Variants in SEMA3C observed in about 807,000 individuals in gnomAD.
The protein encoded by SEMA3C is semaphorin 3C.
SEMA3C carries 47 observed loss-of-function variants against 89.4 expected under a neutral mutation model. The ratio of observed to expected loss-of-function variants is 0.53; its 90% CI spans 0.42 to 0.67. The LOEUF is 0.67. Ranked by LOEUF, SEMA3C falls within the 30% of genes least tolerant of loss-of-function variation. SEMA3C has a pLI of 0.00. For missense variants in SEMA3C, 839 were observed against 929.1 expected (o/e 0.90, Z 1.26); for synonymous variants, 310 against 320.2 (o/e 0.97, Z 0.34).
intron 7 of SEMA3C, 82 bp from the exon 8 acceptor site, chr7:80,804,330 C>G: frequency 1.1e-6 from 1 of 928,950 alleles, no homozygotes; most frequent in African/African-American, 1.7e-5. Flanking sequence ...CAGGCAGATG[C>G]CTTCCCCATC....
chr7:80,798,412 G>A (rs1421439781), intron 10 of SEMA3C, among the ~76,000 whole-genome samples, 176 bp from the exon 11 acceptor site: 1 of 152,046 alleles, frequency 6.6e-6, no homozygotes, highest in Admixed American at 6.5e-5. Flanking sequence ...GATACATAAA[G>A]CATTACAATA....
intron 12 of SEMA3C, among the ~76,000 whole-genome samples, chr7:80,778,289 A>C (rs1788598214): frequency 6.6e-6 from 1 of 152,212 alleles, no homozygotes; most frequent in Admixed American, 6.5e-5. Context: ...TTTTAATTTC[A>C]GATAAACTGA....
intron 2 of SEMA3C, among the ~76,000 whole-genome samples, chr7:80,850,757 T>C (rs1261409209): frequency 2.0e-5 from 3 of 152,162 alleles, no homozygotes; most frequent in Non-Finnish European, 4.4e-5. Flanking sequence ...CTATGCTCAT[T>C]TGTTGATAAT....
chr7:80,787,474 C>T (rs1301621897), intron 12 of SEMA3C, among the ~76,000 whole-genome samples: 1 of 151,020 alleles, frequency 6.6e-6, no homozygotes, highest in Non-Finnish European at 1.5e-5. Context: ...AGGAGGAAGC[C>T]AGCTAAGAGG....
chr7:80,917,036 A>G (rs1792294864), intron 1 of SEMA3C, among the ~76,000 whole-genome samples: 1 of 152,216 alleles, frequency 6.6e-6, no homozygotes, highest in Non-Finnish European at 1.5e-5. Flanking sequence ...AGAAACTTTC[A>G]TCTTCCAGCA....
intron 2 of SEMA3C, among the ~76,000 whole-genome samples, chr7:80,863,935 CAT>C (rs1294885009): frequency 1.6e-5 from 2 of 125,436 alleles, no homozygotes; most frequent in Admixed American, 7.7e-5. Context: ...ATATATATCA[CAT>C]ATATAATATG....
intron 11 of SEMA3C, among the ~76,000 whole-genome samples, chr7:80,796,118 A>G (rs1562878732): frequency 6.6e-6 from 1 of 152,186 alleles, no homozygotes; most frequent in Non-Finnish European, 1.5e-5. Flanking sequence ...CCCCATTTAT[A>G]TGCTGCTCAA....
chr7:80,775,260 A>C (rs150886773), intron 12 of SEMA3C, among the ~76,000 whole-genome samples: 14 of 152,256 alleles, frequency 9.2e-5, no homozygotes, highest in African/African-American at 3.1e-4. Flanking sequence ...AAGGAATGAG[A>C]ACCCGGTATG....
chr7:80,811,831 G>C (rs1004168865), intron 5 of SEMA3C, among the ~76,000 whole-genome samples: 2 of 152,100 alleles, frequency 1.3e-5, no homozygotes, highest in South Asian at 2.1e-4. Flanking sequence ...ATCTGACATG[G>C]CATGTTTTCA....
intron 2 of SEMA3C, among the ~76,000 whole-genome samples, chr7:80,867,174 T>C (rs761804701): frequency 2.6e-5 from 4 of 152,256 alleles, no homozygotes; most frequent in Non-Finnish European, 5.9e-5. Flanking sequence ...AAAAAGACTT[T>C]ATAATAATCA....
chr7:80,896,986 G>A (rs62460755), intron 2 of SEMA3C, among the ~76,000 whole-genome samples: 7 of 152,144 alleles, frequency 4.6e-5, no homozygotes, highest in Non-Finnish European at 8.8e-5. Context: ...TGGCAGGGTA[G>A]CAAGACTTGT....
At chr7:80,755,172 T>A (rs1226230986) in intron 15 of SEMA3C, among the ~76,000 whole-genome samples, 1 of 151,654 alleles carries the variant, frequency 6.6e-6, no homozygotes. Context: ...GGCATGATAT[T>A]GTAAATGCAA....
intron 14 of SEMA3C, among the ~76,000 whole-genome samples, chr7:80,759,692 A>T (rs1788141099): frequency 6.6e-6 from 1 of 152,204 alleles, no homozygotes; most frequent in South Asian, 2.1e-4. Context: ...AATTCTAATC[A>T]ATTATTTGAA....
intron 12 of SEMA3C, among the ~76,000 whole-genome samples, chr7:80,780,883 C>T (rs61291754): frequency 3.9e-5 from 6 of 152,292 alleles, no homozygotes; most frequent in African/African-American, 1.4e-4. Flanking sequence ...GACCCTGTCT[C>T]ATAAAACAAC....
At chr7:80,858,024 G>C (rs1004996051) in intron 2 of SEMA3C, among the ~76,000 whole-genome samples, 9 of 151,822 alleles carry the variant, frequency 5.9e-5, no homozygotes, top group Admixed American at 3.9e-4. Context: ...TTATAATATG[G>C]GGAATCCTGT....
intron 13 of SEMA3C, among the ~76,000 whole-genome samples, chr7:80,763,823 T>C (rs555097821): frequency 3.9e-5 from 6 of 152,304 alleles, no homozygotes; most frequent in Non-Finnish European, 7.4e-5. Flanking sequence ...TTCTATATAA[T>C]GTGATTCTGG....
At chr7:80,793,530 C>T (rs748255834) in intron 11 of SEMA3C, 1 of 425,446 alleles carries the variant, frequency 2.4e-6, no homozygotes, top group African/African-American at 2.1e-5. Flanking sequence ...AGCAAAATAA[C>T]AATATTATGA....
At chr7:80,820,562 G>T (rs1789723130) in intron 4 of SEMA3C, among the ~76,000 whole-genome samples, 1 of 151,882 alleles carries the variant, frequency 6.6e-6, no homozygotes, top group Admixed American at 6.6e-5. Context: ...TTCTATGATA[G>T]ATTTTTATTA....
chr7:80,922,202 A>G, upstream of SEMA3C: 1 of 1,243,462 alleles, frequency 8.0e-7, no homozygotes. Context: ...ATAGGAAGAG[A>G]AACTCAAGCG....
Sources: allele counts gnomAD v4.1 joint callset (sites outside exome capture counted in the v4.1 genomes callset), GRCh38; gene constraint gnomAD v4.1.1; transcripts MANE v1.5; gene names NCBI Gene and HGNC (gene_info 2026-07-23, HGNC 2026-07-21).